The following IGSF11 variants were observed in gnomAD, a reference collection of about 807,000 sequenced individuals.
IGSF11 encodes immunoglobulin superfamily member 11.
Under a neutral mutation model 41.0 loss-of-function variants are expected in IGSF11, and 22 were observed. That is an observed-to-expected ratio of 0.54 (90% CI 0.38 to 0.77). The LOEUF is 0.77. Ranked by LOEUF, IGSF11 falls within the 30% of genes least tolerant of loss-of-function variation. The pLI is 0.00. For missense variants in IGSF11, 444 were observed against 530.8 expected (o/e 0.84, Z 1.61); for synonymous variants, 219 against 201.3 (o/e 1.09, Z -0.74).
At chr3:119,001,602 C>CCAAAA (rs1310872798) in intron 1 of IGSF11, among the ~76,000 whole-genome samples, 18 of 136,488 alleles carry the variant, frequency 1.3e-4, no homozygotes, top group Non-Finnish European at 3.2e-5. Context: ...GGTATATCTC[C>CCAAAA]CAATGCTATC....
At chr3:119,115,751 T>C (rs2107525167) in intron 1 of IGSF11, among the ~76,000 whole-genome samples, 1 of 152,322 alleles carries the variant, frequency 6.6e-6, no homozygotes, top group African/African-American at 2.4e-5. Flanking sequence ...TTTAATTTAA[T>C]ATAATCCCAT....
chr3:119,019,399 T>TG (rs1022176335), intron 1 of IGSF11, among the ~76,000 whole-genome samples: 1 of 146,392 alleles, frequency 6.8e-6, no homozygotes, highest in Non-Finnish European at 1.5e-5. Flanking sequence ...ACTAGATGGG[T>TG]GGCAGGGGTC....
In IGSF11 at chr3:118,949,932, T is replaced by A. The variant is rs553242872; in HGVS notation, c.53-19657A>T. Among the ~76,000 whole-genome samples, 17 of 152,282 alleles carry A rather than the reference T, an allele frequency of 1.1e-4. No homozygotes were observed. The South Asian group carries it at 3.5e-3, about 32-fold the overall frequency. On this transcript the variant is annotated intron_variant, in intron 1 of 6. Coordinates refer to ENST00000393775, the MANE Select transcript of IGSF11 (RefSeq NM_001015887.3). ...TGGGAGGGTAATGTTTGAAATTAATTTACCAATGAAAATTGGCCTTAGTCC... is the reference window on the plus strand; with the variant it reads ...TGGGAGGGTAATGTTTGAAATTAATATACCAATGAAAATTGGCCTTAGTCC...
chr3:119,115,620 G>A (rs79130049), intron 1 of IGSF11, among the ~76,000 whole-genome samples: 1 of 152,138 alleles, frequency 6.6e-6, no homozygotes, highest in African/African-American at 2.4e-5. Context: ...CTATAGAGTT[G>A]TTTGGGTCCC....
intron 1 of IGSF11, among the ~76,000 whole-genome samples, chr3:119,049,812 T>C (rs1337478715): frequency 6.7e-6 from 1 of 149,822 alleles, no homozygotes; most frequent in Non-Finnish European, 1.5e-5. Context: ...TGTAGATCAA[T>C]GGAACAGAAC....
chr3:119,065,584 G>A (rs1265186292), intron 1 of IGSF11, among the ~76,000 whole-genome samples: 2 of 152,078 alleles, frequency 1.3e-5, no homozygotes, highest in East Asian at 1.9e-4. Context: ...CCTGAGGTCA[G>A]GAGGTTGAGA....
At chr3:119,052,002 C>T (rs1219758634) in intron 1 of IGSF11, among the ~76,000 whole-genome samples, 1 of 151,914 alleles carries the variant, frequency 6.6e-6, no homozygotes, top group Non-Finnish European at 1.5e-5. Flanking sequence ...AAGTTCATAG[C>T]ATTAAATGCC....
At chr3:119,117,987 T>C (rs972744201) in intron 1 of IGSF11, among the ~76,000 whole-genome samples, 5 of 152,224 alleles carry the variant, frequency 3.3e-5, no homozygotes, top group African/African-American at 4.8e-5. Flanking sequence ...CCCATGGTCT[T>C]GGACAGCTCT....
intron 1 of IGSF11, among the ~76,000 whole-genome samples, chr3:118,965,993 G>T (rs1414173604): frequency 1.3e-5 from 2 of 151,274 alleles, no homozygotes; most frequent in African/African-American, 4.9e-5. Flanking sequence ...GGTAAGAAAA[G>T]GCCACAGAAA....
intron 4 of IGSF11, among the ~76,000 whole-genome samples, chr3:118,909,234 A>G (rs1459380784): frequency 6.6e-6 from 1 of 152,250 alleles, no homozygotes; most frequent in East Asian, 1.9e-4. Flanking sequence ...TATGACTTAT[A>G]TATTTTAAAT....
chr3:119,055,452 G>A (rs1170437543), intron 1 of IGSF11, among the ~76,000 whole-genome samples: 4 of 152,156 alleles, frequency 2.6e-5, no homozygotes, highest in Non-Finnish European at 5.9e-5. Flanking sequence ...CAATACAGGA[G>A]GACCCAGATT....
intron 1 of IGSF11, among the ~76,000 whole-genome samples, chr3:119,129,845 TGTG>T (rs1194788856): frequency 6.6e-6 from 1 of 151,890 alleles, no homozygotes; most frequent in Non-Finnish European, 1.5e-5. Context: ...ATTAGCCAGG[TGTG>T]GTGGCAAATG....
chr3:119,057,932 G>C (rs1443654155), intron 1 of IGSF11, among the ~76,000 whole-genome samples: 1 of 152,234 alleles, frequency 6.6e-6, no homozygotes, highest in African/African-American at 2.4e-5. Context: ...GTAGAAAGCT[G>C]AAACTGGATC....
upstream of IGSF11, among the ~76,000 whole-genome samples, chr3:119,108,821 G>A (rs2077085584): frequency 6.9e-6 from 1 of 143,952 alleles, no homozygotes. Context: ...TTTGTCAAAG[G>A]CTTTTTCTGC....
At chr3:119,118,745 T>C (rs1211536707) in intron 1 of IGSF11, among the ~76,000 whole-genome samples, 2 of 152,214 alleles carry the variant, frequency 1.3e-5, no homozygotes, top group Admixed American at 1.3e-4. Context: ...GCCCTGTTTC[T>C]CTTTCAAAAT....
At chr3:118,930,817 C>G (rs1025339314) in intron 1 of IGSF11, among the ~76,000 whole-genome samples, 1 of 152,162 alleles carries the variant, frequency 6.6e-6, no homozygotes, top group Non-Finnish European at 1.5e-5. Context: ...CTAAATTGAT[C>G]TATAGATTCA....
chr3:118,921,093 T>C (rs983694588), intron 4 of IGSF11, among the ~76,000 whole-genome samples: 4 of 152,208 alleles, frequency 2.6e-5, no homozygotes, highest in African/African-American at 2.4e-5. Flanking sequence ...CCTAAGCACC[T>C]TACTCAAAAT....
intron 1 of IGSF11, among the ~76,000 whole-genome samples, chr3:119,129,322 G>C (rs932412227): frequency 6.6e-6 from 1 of 151,922 alleles, no homozygotes; most frequent in African/African-American, 2.4e-5. Context: ...ATCATCTAAA[G>C]GTATAAAATT....
intron 1 of IGSF11, among the ~76,000 whole-genome samples, chr3:119,022,927 T>C (rs1054335223): frequency 3.9e-5 from 6 of 152,022 alleles, no homozygotes; most frequent in East Asian, 1.9e-4. Flanking sequence ...ACAAGAACAT[T>C]TGCAGCAGCA....
Sources: allele counts gnomAD v4.1 joint callset (sites outside exome capture counted in the v4.1 genomes callset), GRCh38; gene constraint gnomAD v4.1.1; transcripts MANE v1.5; gene names NCBI Gene and HGNC (gene_info 2026-07-23, HGNC 2026-07-21).